The following ZBTB8OS variants were observed in gnomAD, a reference collection of about 807,000 sequenced individuals.
ZBTB8OS encodes tRNA splicing ligase complex subunit 1, also known as tRNA-splicing ligase-activating factor archease.
A neutral mutation model predicts 29.3 loss-of-function variants in ZBTB8OS; 16 were observed. The ratio of observed to expected loss-of-function variants is 0.55; its 90% CI spans 0.37 to 0.83. The LOEUF is 0.83. Among genes scored for constraint, ZBTB8OS ranks in the 40% least tolerant of loss-of-function variants. The pLI, the probability that ZBTB8OS is intolerant of heterozygous loss-of-function variation, is 0.00. For synonymous variants in ZBTB8OS, 70 were observed against 64.6 expected, an observed-to-expected ratio of 1.08 and a Z score of -0.40; for missense variants, 160 against 196.9, an observed-to-expected ratio of 0.81 and a Z score of 1.12.
chr1:32,632,069 T>A, intron 4 of ZBTB8OS, 190 bp from the exon 5 acceptor site: 3 of 289,570 alleles, frequency 1.0e-5, no homozygotes, highest in Non-Finnish European at 1.9e-5. Context: ...TGGCGTGATC[T>A]CGGCTCACTG....
chr1:32,646,182 G>C (rs1646812529), intron 1 of ZBTB8OS, among the ~76,000 whole-genome samples: 1 of 151,964 alleles, frequency 6.6e-6, no homozygotes, highest in Non-Finnish European at 1.5e-5. Context: ...AGCTGGGTAT[G>C]ATGGTGCACG....
chr1:32,640,798 G>GA (rs1646332934), intron 1 of ZBTB8OS, among the ~76,000 whole-genome samples: 1 of 152,142 alleles, frequency 6.6e-6, no homozygotes, highest in Non-Finnish European at 1.5e-5. Flanking sequence ...CATCAGGCCT[G>GA]AAAATTTTAA....
At chr1:32,627,742 G>A in intron 5 of ZBTB8OS, 198 bp from the exon 6 acceptor site, 1 of 587,158 alleles carries the variant, frequency 1.7e-6, no homozygotes, top group East Asian at 2.9e-5. Context: ...TTGCTCTCAA[G>A]GTTGATAGTT....
intron 1 of ZBTB8OS, among the ~76,000 whole-genome samples, chr1:32,642,495 C>T (rs1646488392): frequency 6.7e-6 from 1 of 149,552 alleles, no homozygotes. Context: ...CAGAGCGAGA[C>T]TCTGTCTCAA....
chr1:32,648,644 A>G (rs1030818668), intron 1 of ZBTB8OS, among the ~76,000 whole-genome samples: 1 of 152,182 alleles, frequency 6.6e-6, no homozygotes, highest in African/African-American at 2.4e-5. Context: ...TTTCAAATCA[A>G]TATATATGAC....
At chr1:32,630,423 C>T (rs975621527) in intron 5 of ZBTB8OS, among the ~76,000 whole-genome samples, 2 of 151,840 alleles carry the variant, frequency 1.3e-5, no homozygotes, top group African/African-American at 4.8e-5. Flanking sequence ...CATGGTAGTG[C>T]GCACCTGTAG....
At chr1:32,640,812 G>C (rs1460881165) in intron 1 of ZBTB8OS, among the ~76,000 whole-genome samples, 1 of 151,980 alleles carries the variant, frequency 6.6e-6, no homozygotes, top group Non-Finnish European at 1.5e-5. Context: ...ATTTTAACTG[G>C]ACTTGAATTT....
rs1644722922 is a variant in ZBTB8OS at position 32,621,033 on chromosome 1, A to C, written c.*829T>G. 1 of 152,180 alleles carries C rather than the reference A, an allele frequency of 6.6e-6. No individual in the cohort carries two copies. Among genetic ancestry groups the C allele is most frequent in the African/African-American group, 2.4e-5 (1 of 41,442 alleles). 9.4% of individuals were successfully genotyped at this position (152,180 alleles called of 1,614,324 possible). ...GAAGTCTAATTGTTTCTCTACAAAA[A>C]CCAACTGGAATACAGGATAGCTCTG... On this transcript the variant is annotated 3_prime_UTR_variant, in exon 7 of 7. Coordinates refer to ENST00000468695, the MANE Select transcript of ZBTB8OS (RefSeq NM_178547.5).
At chr1:32,645,315 C>A (rs570601224) in intron 1 of ZBTB8OS, among the ~76,000 whole-genome samples, 3 of 152,028 alleles carry the variant, frequency 2.0e-5, no homozygotes, top group African/African-American at 4.8e-5. Flanking sequence ...CTAGGCAACA[C>A]GACAAGACCC....
chr1:32,629,275 G>C (rs1645356398), intron 5 of ZBTB8OS, among the ~76,000 whole-genome samples: 1 of 151,822 alleles, frequency 6.6e-6, no homozygotes. Flanking sequence ...AATTAGCCAG[G>C]CATGGTGGCA....
chr1:32,634,238 G>C (rs953434558), intron 2 of ZBTB8OS, 166 bp from the exon 3 acceptor site: 1 of 493,170 alleles, frequency 2.0e-6, no homozygotes, highest in Non-Finnish European at 3.2e-6. Context: ...ATTTATTTAT[G>C]ATTTTTTAGA....
chr1:32,644,103 C>T (rs1646649368), intron 1 of ZBTB8OS, among the ~76,000 whole-genome samples: 1 of 151,966 alleles, frequency 6.6e-6, no homozygotes, highest in African/African-American at 2.4e-5. Context: ...GTAAAGTAGT[C>T]AAAAAGTTAA....
chr1:32,627,607 C>A, intron 5 of ZBTB8OS, 63 bp from the exon 6 acceptor site: 1 of 1,520,796 alleles, frequency 6.6e-7, no homozygotes, highest in African/African-American at 1.4e-5. Context: ...TTAAAATAAG[C>A]CTTGTAAATG....
intron 5 of ZBTB8OS, among the ~76,000 whole-genome samples, chr1:32,630,598 C>A (rs1055407393): frequency 6.6e-6 from 1 of 151,774 alleles, no homozygotes; most frequent in Non-Finnish European, 1.5e-5. Context: ...TAAATGGAGC[C>A]GGGCGTGGTG....
intron 5 of ZBTB8OS, among the ~76,000 whole-genome samples, chr1:32,628,602 C>T (rs966523699): frequency 3.3e-5 from 5 of 151,274 alleles, no homozygotes; most frequent in African/African-American, 9.7e-5. Context: ...TGCCACTGCA[C>T]TCCAGCCTGG....
chr1:32,622,183 C>A (rs1289523033), intron 6 of ZBTB8OS, among the ~76,000 whole-genome samples: 1 of 152,150 alleles, frequency 6.6e-6, no homozygotes, highest in Non-Finnish European at 1.5e-5. Flanking sequence ...GGCTTTGTTT[C>A]CACCTGGGTG....
At chr1:32,624,412 T>C (rs1644960827) in intron 6 of ZBTB8OS, among the ~76,000 whole-genome samples, 3 of 152,152 alleles carry the variant, frequency 2.0e-5, no homozygotes, top group Admixed American at 2.0e-4. Flanking sequence ...TAAAAAAAAG[T>C]CTGAAACACT....
chr1:32,631,049 G>T lies in ZBTB8OS; in HGVS notation c.380+778C>A, dbSNP rs982562790. ...TAATAAATGAAAATAAAATAAAAAAGCTATATGTAAAAGTAACCTAGGAGG... is the reference window on the plus strand; with the variant it reads ...TAATAAATGAAAATAAAATAAAAAATCTATATGTAAAAGTAACCTAGGAGG... On this transcript the variant is annotated intron_variant, in intron 5 of 6. Transcript: ENST00000468695. Among the ~76,000 whole-genome samples, 6 of 150,414 alleles carry T rather than the reference G, an allele frequency of 4.0e-5. No individual in the cohort carries two copies. In the East Asian group the frequency reaches 1.2e-3, roughly 30 times the overall value.
chr1:32,629,041 T>C (rs1395054734), intron 5 of ZBTB8OS, among the ~76,000 whole-genome samples: 1 of 152,192 alleles, frequency 6.6e-6, no homozygotes, highest in African/African-American at 2.4e-5. Flanking sequence ...GGAATCTCAA[T>C]AAACATTGTT....
Sources: allele counts gnomAD v4.1 joint callset (sites outside exome capture counted in the v4.1 genomes callset), GRCh38; gene constraint gnomAD v4.1.1; transcripts MANE v1.5; gene names NCBI Gene and HGNC (gene_info 2026-07-23, HGNC 2026-07-21).